Variants in MAP7 observed in about 807,000 individuals in gnomAD.
MAP7 encodes the protein ensconsin.
MAP7 carries 52 observed loss-of-function variants against 94.8 expected under a neutral mutation model. The ratio of observed to expected loss-of-function variants is 0.55; its 90% CI spans 0.44 to 0.69. MAP7 has a LOEUF of 0.69. Ranked by LOEUF, MAP7 falls within the 30% of genes least tolerant of loss-of-function variation. MAP7 has a pLI of 0.00. For synonymous variants in MAP7, 350 were observed against 357.0 expected (o/e 0.98, Z 0.22); for missense variants, 940 against 964.6 (o/e 0.97, Z 0.34).
chr6:136,360,365 C>T (rs1792230084), intron 13 of MAP7, among the ~76,000 whole-genome samples: 2 of 152,072 alleles, frequency 1.3e-5, no homozygotes, highest in African/African-American at 4.8e-5. Context: ...AGGCTGGTCT[C>T]GAACTCCTGA....
intron 1 of MAP7, among the ~76,000 whole-genome samples, chr6:136,518,507 T>A (rs947092084): frequency 3.9e-5 from 6 of 152,290 alleles, no homozygotes; most frequent in African/African-American, 1.4e-4. Context: ...TGGGGTATAA[T>A]GGGGTATGAC....
At chr6:136,484,565 G>A (rs997097070) in intron 1 of MAP7, among the ~76,000 whole-genome samples, 13 of 152,152 alleles carry the variant, frequency 8.5e-5, no homozygotes. Context: ...AGAATTTAGG[G>A]TTGGGAAGTC....
chr6:136,429,229 C>G (rs963803683), intron 1 of MAP7, among the ~76,000 whole-genome samples: 3 of 152,050 alleles, frequency 2.0e-5, no homozygotes, highest in Non-Finnish European at 4.4e-5. Context: ...TGTTTTGACC[C>G]CACTTCATAG....
Position 136,360,816 on chromosome 6 carries a change from G to T in MAP7, c.1702-18C>A. On this transcript the variant is annotated intron_variant, in intron 12 of 17. Transcript: ENST00000354570. ...TCTTCTTTCTGAAAACAGAAGGTCG[G>T]CGTCTGCCTCTGACAAACAGGCGGG... 1 of 1,612,188 alleles carries T rather than the reference G, an allele frequency of 6.2e-7. No individual in the cohort carries two copies. Among genetic ancestry groups the T allele is most frequent in the Non-Finnish European group, 8.5e-7 (1 of 1,179,444 alleles).
At chr6:136,482,797 T>C (rs568423519) in intron 1 of MAP7, among the ~76,000 whole-genome samples, 18 of 152,114 alleles carry the variant, frequency 1.2e-4, no homozygotes, top group Non-Finnish European at 2.4e-4. Context: ...CCGAAGATGA[T>C]AGATCGATTT....
At chr6:136,438,515 T>C (rs1166446478) in intron 1 of MAP7, among the ~76,000 whole-genome samples, 1 of 152,068 alleles carries the variant, frequency 6.6e-6, no homozygotes, top group Admixed American at 6.6e-5. Flanking sequence ...TTTTTTTCTC[T>C]CACTTGTTTT....
intron 1 of MAP7, among the ~76,000 whole-genome samples, chr6:136,543,649 G>T (rs184924249): frequency 1.3e-5 from 2 of 151,426 alleles, no homozygotes; most frequent in East Asian, 1.9e-4. Context: ...GTAAAACTCC[G>T]TCTCACAAAA....
At position 136,503,358 on chromosome 6, in the gene MAP7, G is replaced by A. The variant is rs951780021; in HGVS notation, c.67+46984C>T. Among the ~76,000 whole-genome samples, 7 of 147,454 alleles carry A rather than the reference G, an allele frequency of 4.7e-5. No homozygotes were observed. In the Admixed American group the frequency reaches 4.8e-4, roughly 10 times the overall value. On this transcript the variant is annotated intron_variant, in intron 1 of 17. Coordinates refer to ENST00000354570, the MANE Select transcript of MAP7 (RefSeq NM_003980.6). ...GGCTCAGGTCTGTCAACTCGATGTG[G>A]TTCCAAAAGAAGAATCTGTCCAAAC... is the stretch of plus-strand genomic sequence containing the variant.
At chr6:136,377,989 G>A (rs1776722121) in intron 6 of MAP7, 121 bp from the exon 7 acceptor site, 2 of 627,166 alleles carry the variant, frequency 3.2e-6, no homozygotes, top group Non-Finnish European at 5.5e-6. Context: ...CTGCAGGGAG[G>A]ATGGTTGGCC....
At chr6:136,360,973 G>C in intron 12 of MAP7, 32 bp downstream of exon 12, 1 of 1,551,928 alleles carries the variant, frequency 6.4e-7, no homozygotes, top group South Asian at 1.2e-5. Flanking sequence ...CTGCGGGACT[G>C]GGGCCGGGGC....
intron 2 of MAP7, among the ~76,000 whole-genome samples, chr6:136,414,280 A>AAAAAAAAAAAAAAAAAAAAAAAC (rs1788607893): frequency 6.9e-6 from 1 of 144,698 alleles, no homozygotes; most frequent in Non-Finnish European, 1.5e-5. Flanking sequence ...AAAAAAAAAA[A>AAAAAAAAAAAAAAAAAAAAAAAC]AAAATTGGTT....
intron 6 of MAP7, among the ~76,000 whole-genome samples, 172 bp downstream of exon 6, chr6:136,383,499 G>A (rs932461396): frequency 2.6e-5 from 4 of 152,140 alleles, no homozygotes; most frequent in East Asian, 1.9e-4. Flanking sequence ...TGTTCTTGTC[G>A]CAAGGAAAAT....
At position 136,423,735 on chromosome 6, in the gene MAP7, A is replaced by AC. The variant is rs566639475; in HGVS notation, c.68-1937_68-1936insG. On this transcript the variant is annotated intron_variant, in intron 1 of 17. Transcript: ENST00000354570. ...AGTAAATCTGAGCCTTAAAAAAAAA[A>AC]AAAACAAAACCTCAGTAACAATGGG... Among the ~76,000 whole-genome samples the AC allele has an allele frequency of 3.7e-3, 560 of 151,330 alleles. 8 individuals carry two copies. The highest frequency in any genetic ancestry group is 0.013 in the African/African-American group (533 of 41,350).
At chr6:136,385,272 A>T (rs892975535) in intron 5 of MAP7, among the ~76,000 whole-genome samples, 1 of 12,888 alleles carries the variant, frequency 7.8e-5, no homozygotes, top group East Asian at 1.1e-3. Context: ...TTTATTATTA[A>T]AAAAAAAACC....
chr6:136,420,036 A>G, intron 2 of MAP7: 1 of 843,534 alleles, frequency 1.2e-6, no homozygotes, highest in Non-Finnish European at 2.1e-6. Context: ...GATGCTGATA[A>G]ACTTCCAAAG....
At chr6:136,439,704 C>T (rs1019435133) in intron 1 of MAP7, among the ~76,000 whole-genome samples, 5 of 151,954 alleles carry the variant, frequency 3.3e-5, no homozygotes, top group Admixed American at 3.3e-4. Context: ...ACTGGGCTGT[C>T]ATAAAGAGTT....
At chr6:136,411,911 C>T (rs1334584700) in intron 2 of MAP7, among the ~76,000 whole-genome samples, 1 of 152,116 alleles carries the variant, frequency 6.6e-6, no homozygotes, top group Non-Finnish European at 1.5e-5. Flanking sequence ...TATTTGAAAA[C>T]ATGTAAAATC....
intron 11 of MAP7, 40 bp downstream of exon 11, chr6:136,362,410 A>G (rs1046401655): frequency 4.4e-6 from 7 of 1,605,010 alleles, no homozygotes; most frequent in Non-Finnish European, 6.0e-6. Context: ...AATCCAAAGT[A>G]TCACTGACAC....
chr6:136,345,776 C>A lies in MAP7; in HGVS notation c.2239+80G>T, dbSNP rs553138692. The A allele has an allele frequency of 7.0e-5, 77 of 1,102,098 alleles. No individual in the cohort carries two copies. The South Asian group carries it at 9.0e-4, about 13-fold the overall frequency. 68.3% of individuals were successfully genotyped at this position (1,102,098 alleles called of 1,614,324 possible). On this transcript the variant is annotated intron_variant, in intron 17 of 17. Transcript: ENST00000354570. ...AGAACAAAGTGTTACCACAATCATACTGTAGAAGGCAGCAGTTCGTGTCCT... is the reference window on the plus strand; with the variant it reads ...AGAACAAAGTGTTACCACAATCATAATGTAGAAGGCAGCAGTTCGTGTCCT...
Sources: gnomAD v4.1 joint callset for allele counts (sites outside exome capture counted in the v4.1 genomes callset) on GRCh38, gnomAD v4.1.1 for gene constraint, MANE v1.5 for transcripts, NCBI Gene and HGNC (gene_info 2026-07-23, HGNC 2026-07-21) for gene names.